ALCAM: variants seen among roughly 807,000 people sequenced by gnomAD.
The protein encoded by ALCAM is activated leukocyte cell adhesion molecule, also known as CD166 antigen.
In ALCAM, 30 loss-of-function variants were observed where a neutral mutation model predicts 70.9. The observed-to-expected ratio is 0.42, with a 90% CI of 0.32 to 0.57. The LOEUF (loss-of-function observed/expected upper bound fraction) is 0.57. Among genes scored for constraint, ALCAM ranks in the 20% least tolerant of loss-of-function variants. The pLI is 0.11. For synonymous variants in ALCAM, 249 were observed against 242.5 expected (o/e 1.03, Z -0.25); for missense variants, 591 against 695.1 (o/e 0.85, Z 1.68).
intron 1 of ALCAM, among the ~76,000 whole-genome samples, chr3:105,507,506 G>C (rs1053387873): frequency 3.3e-5 from 5 of 152,046 alleles, no homozygotes; most frequent in African/African-American, 4.8e-5. Flanking sequence ...ATGGCATATA[G>C]TTGGAATCAT....
intron 9 of ALCAM, among the ~76,000 whole-genome samples, chr3:105,546,176 A>C (rs1161192320): frequency 6.6e-6 from 1 of 150,892 alleles, no homozygotes; most frequent in Non-Finnish European, 1.5e-5. Flanking sequence ...TTGTTACCAG[A>C]GCATGACATG....
chr3:105,461,678 C>T (rs1478401193), intron 1 of ALCAM, among the ~76,000 whole-genome samples: 1 of 151,710 alleles, frequency 6.6e-6, no homozygotes, highest in Non-Finnish European at 1.5e-5. Flanking sequence ...CAGTGAGTAG[C>T]TTATTCTTAG....
At chr3:105,558,885 A>G (rs1940571996) in intron 14 of ALCAM, among the ~76,000 whole-genome samples, 1 of 152,040 alleles carries the variant, frequency 6.6e-6, no homozygotes. Flanking sequence ...CTATTTATAG[A>G]TGAACAAGCA....
chr3:105,541,493 A>T, intron 7 of ALCAM, 140 bp from the exon 8 acceptor site: 1 of 868,168 alleles, frequency 1.2e-6, no homozygotes, highest in Non-Finnish European at 1.7e-6. Context: ...GGTAACACAA[A>T]CTGTACTCTT....
chr3:105,558,125 A>G (rs474355), intron 14 of ALCAM, among the ~76,000 whole-genome samples: 112,741 of 151,808 alleles, frequency 0.74, 42,915 homozygotes, highest in Admixed American at 0.86. Context: ...CTGCACAGGT[A>G]TCAATGGCCG....
intron 1 of ALCAM, among the ~76,000 whole-genome samples, chr3:105,397,596 C>T (rs1935987498): frequency 6.6e-6 from 1 of 151,692 alleles, no homozygotes; most frequent in East Asian, 1.9e-4. Context: ...ATCAAGCTTT[C>T]CTCAAATAAC....
At chr3:105,498,044 A>G (rs965359476) in intron 1 of ALCAM, among the ~76,000 whole-genome samples, 2 of 149,392 alleles carry the variant, frequency 1.3e-5, no homozygotes, top group Non-Finnish European at 3.0e-5. Context: ...AAAAAAAAAA[A>G]AGGGGGGAAA....
intron 1 of ALCAM, among the ~76,000 whole-genome samples, chr3:105,384,518 A>G (rs1935600797): frequency 6.6e-6 from 1 of 151,486 alleles, no homozygotes; most frequent in Non-Finnish European, 1.5e-5. Flanking sequence ...TTCCCATATT[A>G]CCTTCCCAAT....
At chr3:105,388,057 TA>T (rs1486620205) in intron 1 of ALCAM, among the ~76,000 whole-genome samples, 1 of 151,474 alleles carries the variant, frequency 6.6e-6, no homozygotes, top group East Asian at 1.9e-4. Flanking sequence ...GACATAGGAA[TA>T]AAAATGCATT....
intron 1 of ALCAM, among the ~76,000 whole-genome samples, chr3:105,400,004 G>A (rs1410056941): frequency 6.6e-6 from 1 of 152,096 alleles, no homozygotes; most frequent in Non-Finnish European, 1.5e-5. Context: ...TTCTGTCACT[G>A]ACTTGTTAAT....
At chr3:105,394,107 G>A (rs2107358704) in intron 1 of ALCAM, among the ~76,000 whole-genome samples, 1 of 152,012 alleles carries the variant, frequency 6.6e-6, no homozygotes, top group South Asian at 2.1e-4. Context: ...AAGTACTATA[G>A]TACTTTGACT....
intron 1 of ALCAM, among the ~76,000 whole-genome samples, chr3:105,402,685 C>G (rs1452297769): frequency 1.3e-5 from 2 of 151,996 alleles, no homozygotes. Flanking sequence ...GAATGTAACT[C>G]CATTGGAGTT....
At chr3:105,389,371 GTTTTT>G (rs371987714) in intron 1 of ALCAM, among the ~76,000 whole-genome samples, 5 of 58,188 alleles carry the variant, frequency 8.6e-5, no homozygotes, top group African/African-American at 1.3e-4. Flanking sequence ...TATATACATA[GTTTTT>G]TTTTTTTTTT....
intron 1 of ALCAM, among the ~76,000 whole-genome samples, chr3:105,457,733 T>C (rs2152595547): frequency 6.6e-6 from 1 of 152,170 alleles, no homozygotes; most frequent in African/African-American, 2.4e-5. Flanking sequence ...AACAGGGAGA[T>C]GTCAAATGGG....
At position 105,559,294 on chromosome 3, in the gene ALCAM, C is replaced by T. The variant is rs1167319065; in HGVS notation, c.1664+6709C>T. Reference sequence around the variant, plus strand: ...TACATATACACATATATAATATATACATATATTATATATATACACATATAT... The same window carrying T: ...TACATATACACATATATAATATATATATATATTATATATATACACATATAT... On this transcript the variant is annotated intron_variant, in intron 14 of 15. Transcript: ENST00000306107. Among the ~76,000 whole-genome samples, 8 of 143,760 alleles carry T rather than the reference C, an allele frequency of 5.6e-5. No individual in the cohort carries two copies. In the East Asian group the frequency reaches 1.2e-3, roughly 21 times the overall value. The allele number at this position is 143,760 out of a possible 152,430, so 94.3% of individuals were successfully genotyped here.
At chr3:105,474,314 T>A (rs1435018031) in intron 1 of ALCAM, among the ~76,000 whole-genome samples, 1 of 151,818 alleles carries the variant, frequency 6.6e-6, no homozygotes, top group Admixed American at 6.6e-5. Flanking sequence ...CTCTGTGTTA[T>A]GCATGAAGCA....
At chr3:105,527,928 G>A (rs2252459) in intron 3 of ALCAM, among the ~76,000 whole-genome samples, 94,009 of 146,090 alleles carry the variant, frequency 0.64, 28,710 homozygotes, top group East Asian at 0.9. Context: ...TGAGGGGGGA[G>A]GAAGCAGAAA....
chr3:105,454,653 A>ATTTTTTTTTTTTTTTTTTTTT (rs59389132), intron 1 of ALCAM, among the ~76,000 whole-genome samples: 8 of 61,792 alleles, frequency 1.3e-4, no homozygotes, highest in Non-Finnish European at 2.2e-4. Context: ...ATGCTCATTA[A>ATTTTTTTTTTTTTTTTTTTTT]TTTTTTTTTT....
chr3:105,487,523 A>T (rs189007132), intron 1 of ALCAM, among the ~76,000 whole-genome samples: 1 of 152,310 alleles, frequency 6.6e-6, no homozygotes, highest in East Asian at 1.9e-4. Flanking sequence ...GCTACACTGG[A>T]GGAATAGAGA....
Sources: gnomAD v4.1 joint callset for allele counts (sites outside exome capture counted in the v4.1 genomes callset) on GRCh38, gnomAD v4.1.1 for gene constraint, MANE v1.5 for transcripts, NCBI Gene and HGNC (gene_info 2026-07-23, HGNC 2026-07-21) for gene names.